The following LMO4 variants were observed in gnomAD, a reference collection of about 807,000 sequenced individuals.
The protein encoded by LMO4 is LIM domain only 4.
Under a neutral mutation model 18.5 loss-of-function variants are expected in LMO4, and 3 were observed. The ratio of observed to expected loss-of-function variants is 0.16; its 90% CI spans 0.07 to 0.42. The LOEUF (loss-of-function observed/expected upper bound fraction) is 0.42, where lower values mean the gene tolerates loss of function less well. LMO4 is among the 10% of genes least tolerant of loss of function. The pLI is 0.99. For missense variants in LMO4, 121 were observed against 219.9 expected, an observed-to-expected ratio of 0.55 and a Z score of 2.84; for synonymous variants, 100 against 88.1, an observed-to-expected ratio of 1.14 and a Z score of -0.76.
chr1:87,344,692 T>C, intron 4 of LMO4, 96 bp from the exon 5 acceptor site: 1 of 1,187,864 alleles, frequency 8.4e-7, no homozygotes, highest in Non-Finnish European at 1.3e-6. Context: ...TAAAAGAAGA[T>C]TAGTGAATGT....
chr1:87,334,092 A>G (rs1299190478), intron 2 of LMO4, among the ~76,000 whole-genome samples: 1 of 152,202 alleles, frequency 6.6e-6, no homozygotes, highest in Non-Finnish European at 1.5e-5. Flanking sequence ...TCTTGGGGCC[A>G]AATGTAAATG....
chr1:87,338,493 G>T (rs1226030458), intron 2 of LMO4, among the ~76,000 whole-genome samples: 1 of 152,184 alleles, frequency 6.6e-6, no homozygotes, highest in Admixed American at 6.5e-5. Context: ...AATATTTGTG[G>T]ATATTAAAGA....
At position 87,339,569 on chromosome 1, in the gene LMO4, C is replaced by T. The variant is rs748894095; in HGVS notation, c.270C>T (p.Cys90=). 6.1e-5 allele frequency: 98 copies of T among 1,613,568 alleles called. No individual in the cohort carries two copies. In the South Asian group the frequency reaches 8.6e-4, roughly 14 times the overall value. Residue 90 remains cysteine, a synonymous_variant, in exon 3 of 5, where the codon TGC becomes TGT. Coordinates refer to ENST00000370544, the MANE Select transcript of LMO4 (RefSeq NM_006769.4). ...GAAATAGCGGTGCTTGCAGCGCTTG[C>T]GGACAGTCGATTCCTGCGAGTGAAC... ...LFGNSGACSA[C]GQSIPASELV...
chr1:87,342,632 T>TA (rs1650528578), intron 4 of LMO4, among the ~76,000 whole-genome samples: 1 of 152,176 alleles, frequency 6.6e-6, no homozygotes, highest in East Asian at 1.9e-4. Context: ...AGCTGTGTTT[T>TA]GGGGGTGCTG....
rs1437926036 is a variant in LMO4, at chr1:87,344,837, T to G, written c.*41T>G. The stretch of plus-strand genomic sequence containing the variant: ...CAGAATGCGTGCCTTCATCTCAGAT[T>G]TGTTCATCACAGGTGGATCCCATGT... On this transcript the variant is annotated 3_prime_UTR_variant, in exon 5 of 5. Coordinates refer to ENST00000370544, the MANE Select transcript of LMO4 (RefSeq NM_006769.4). The G allele has an allele frequency of 1.2e-6, 2 of 1,610,186 alleles. No individual in the cohort carries two copies. Among genetic ancestry groups the G allele is most frequent in the African/African-American group, 2.7e-5 (2 of 74,812 alleles).
At chr1:87,329,519 T>G (rs1570646980) in intron 1 of LMO4, among the ~76,000 whole-genome samples, 1 of 126,770 alleles carries the variant, frequency 7.9e-6, no homozygotes. Context: ...GTAGAGGGGG[T>G]GGGGATATTT....
rs571443126 is a variant in LMO4 at position 87,345,753 on chromosome 1, C to T, written c.*957C>T. The T allele has an allele frequency of 6.6e-5, 10 of 152,296 alleles. No homozygotes were observed. Among genetic ancestry groups the T allele is most frequent in the South Asian group, 2.1e-4 (1 of 4,826 alleles). The allele number at this position is 152,296 out of a possible 1,614,324, so 9.4% of individuals were successfully genotyped here. On this transcript the variant is annotated 3_prime_UTR_variant, in exon 5 of 5. Coordinates refer to ENST00000370544, the MANE Select transcript of LMO4 (RefSeq NM_006769.4). ...AGGTATTCTTCAAATTACTTAACCA[C>T]GCCATTATTGGCAGGGGTACAAAGT...
rs905790408 is a variant in LMO4 at position 87,347,697 on chromosome 1, A to G, written c.*2901A>G. 2.6e-5 allele frequency: 4 copies of G among 152,336 alleles called. No individual in the cohort carries two copies. Among genetic ancestry groups the G allele is most frequent in the Middle Eastern group, 3.4e-3 (1 of 294 alleles). 9.4% of individuals were successfully genotyped at this position (152,336 alleles called of 1,614,324 possible). Reference sequence around the variant, plus strand: ...GTTTATGGTACATATAAATGTCTCAATCATGCAAATTGTCACTCTTGTTAA... The same window carrying G: ...GTTTATGGTACATATAAATGTCTCAGTCATGCAAATTGTCACTCTTGTTAA... On this transcript the variant is annotated 3_prime_UTR_variant, in exon 5 of 5. Coordinates refer to ENST00000370544, the MANE Select transcript of LMO4 (RefSeq NM_006769.4).
intron 1 of LMO4, among the ~76,000 whole-genome samples, chr1:87,329,815 C>G (rs895137346): frequency 6.6e-6 from 1 of 152,130 alleles, no homozygotes; most frequent in Non-Finnish European, 1.5e-5. Context: ...CATTTTTGTA[C>G]TACAAATTGC....
chr1:87,330,666 CG>C (rs761403417), intron 1 of LMO4, among the ~76,000 whole-genome samples: 19 of 152,062 alleles, frequency 1.2e-4, no homozygotes, highest in Non-Finnish European at 2.5e-4. Flanking sequence ...CAAGTTGGGC[CG>C]GGTACAGGCA....
chr1:87,331,853 C>G, intron 1 of LMO4, 160 bp from the exon 2 acceptor site: 1 of 594,664 alleles, frequency 1.7e-6, no homozygotes, highest in Non-Finnish European at 2.9e-6. Flanking sequence ...TCCCTTCTTC[C>G]CTCTCCCCCT....
chr1:87,333,281 G>A (rs977494990), intron 2 of LMO4, among the ~76,000 whole-genome samples: 17 of 151,848 alleles, frequency 1.1e-4, no homozygotes, highest in African/African-American at 4.1e-4. Flanking sequence ...TCTAGGAGGT[G>A]TTCTGTTTCA....
intron 2 of LMO4, among the ~76,000 whole-genome samples, chr1:87,335,061 G>GGGGAGGGT (rs1557613943): frequency 2.0e-5 from 3 of 151,606 alleles, no homozygotes; most frequent in African/African-American, 7.3e-5. Context: ...TAGAGCGGAG[G>GGGGAGGGT]GGGAGGGTGG....
In LMO4 at chr1:87,329,077, A is replaced by G. The variant is rs1650053671; in HGVS notation, c.-171A>G. 1 of 150,946 alleles carries G rather than the reference A, an allele frequency of 6.6e-6. No individual in the cohort carries two copies. The highest frequency in any genetic ancestry group is 2.4e-5 in the African/African-American group (1 of 41,018). 9.4% of individuals were successfully genotyped at this position (150,946 alleles called of 1,614,324 possible). On this transcript the variant is annotated 5_prime_UTR_variant, in exon 1 of 5. Transcript: ENST00000370544. ...CCCAGAGCAACGCGATTTAAAAAAA[A>G]AAAAAAAGCCGCCCTTAGCCCCCTC...
Position 87,332,263 on chromosome 1 carries a change from C to G in LMO4, c.236+12C>G. On this transcript the variant is annotated intron_variant, in intron 2 of 4. Transcript: ENST00000370544. ...AATGACTACATTAGGTAAGACTTTG[C>G]TGTCTTTCCTGGAGATGGGGGGAAG... 1 of 1,592,090 alleles carries G rather than the reference C, an allele frequency of 6.3e-7. No individual in the cohort carries two copies. The highest frequency in any genetic ancestry group is 8.6e-7 in the Non-Finnish European group (1 of 1,160,778).
chr1:87,336,321 C>T (rs1008506354), intron 2 of LMO4, among the ~76,000 whole-genome samples: 3 of 152,182 alleles, frequency 2.0e-5, no homozygotes, highest in Non-Finnish European at 4.4e-5. Context: ...TACCTTTCAG[C>T]CACACTCTCA....
intron 1 of LMO4, among the ~76,000 whole-genome samples, chr1:87,329,618 T>G (rs1650071648): frequency 6.6e-6 from 1 of 151,770 alleles, no homozygotes; most frequent in Admixed American, 6.6e-5. Context: ...GTGGGGATAG[T>G]CACGATACCC....
chr1:87,339,226 T>C (rs1650403457), intron 2 of LMO4, among the ~76,000 whole-genome samples: 1 of 141,346 alleles, frequency 7.1e-6, no homozygotes, highest in Admixed American at 6.9e-5. Context: ...ATGAATTGTA[T>C]CTTTTTTTTT....
chr1:87,341,249 T>C (rs1013142947), intron 4 of LMO4, among the ~76,000 whole-genome samples: 2 of 152,224 alleles, frequency 1.3e-5, no homozygotes, highest in Admixed American at 6.5e-5. Flanking sequence ...TTAAATCTTA[T>C]TGACCACAGA....
Sources: allele counts gnomAD v4.1 joint callset (sites outside exome capture counted in the v4.1 genomes callset), GRCh38; gene constraint gnomAD v4.1.1; transcripts MANE v1.5; gene names NCBI Gene and HGNC (gene_info 2026-07-23, HGNC 2026-07-21).